TBC1D25: variants seen among roughly 807,000 people sequenced by gnomAD.
The protein encoded by TBC1D25 is TBC1 domain family member 25, also known as 5SN3 snoRNA.
A neutral mutation model predicts 38.8 loss-of-function variants in TBC1D25; 13 were observed. The observed-to-expected ratio is 0.34, with a 90% confidence interval of 0.22 to 0.53. TBC1D25 has a LOEUF of 0.53. Among genes scored for constraint, TBC1D25 ranks in the 20% least tolerant of loss-of-function variants. TBC1D25 has a pLI of 0.94. For synonymous variants in TBC1D25, 225 were observed against 255.6 expected, an observed-to-expected ratio of 0.88 and a Z score of 1.14; for missense variants, 372 against 600.0, an observed-to-expected ratio of 0.62 and a Z score of 3.97.
chrX:48,552,527 A>G (rs983224418), intron 3 of TBC1D25, among the ~76,000 whole-genome samples: 1 of 109,347 alleles, frequency 9.1e-6, no homozygotes, highest in African/African-American at 3.3e-5. Flanking sequence ...AATTTTTTGT[A>G]TTTTTAGTAG....
At position 48,559,739 on chromosome X, in the gene TBC1D25, C is replaced by T. The variant is rs375134193; in HGVS notation, c.831C>T (p.Asn277=). Reference sequence around the variant, plus strand: ...AGAGCGAGTGGGCCCAGCGAGCGAACCCTGAGGACCTGGAATTCATCCGCA... The same window carrying T: ...AGAGCGAGTGGGCCCAGCGAGCGAATCCTGAGGACCTGGAATTCATCCGCA... ...QLKSEWAQRA[N]PEDLEFIRST... is the part of the protein sequence containing the mutation. Residue 277 remains asparagine, a synonymous_variant, in exon 6 of 6, where the codon AAC becomes AAT. Transcript: ENST00000376771. The T allele has an allele frequency of 3.3e-6, 4 of 1,211,903 alleles. No homozygotes were observed. Among genetic ancestry groups the T allele is most frequent in the Middle Eastern group, 2.3e-4 (1 of 4,353 alleles).
intron 3 of TBC1D25, 101 bp downstream of exon 3, chrX:48,545,124 C>T: frequency 9.7e-7 from 1 of 1,031,704 alleles, no homozygotes; most frequent in Non-Finnish European, 1.3e-6. Flanking sequence ...GGATGGGTAG[C>T]AAGGTATCCT....
chrX:48,539,731 T>G lies in TBC1D25; in HGVS notation c.-67T>G. ...CACGAGGTGGGGCGGCGGGCGTCAG[T>G]ACAGTAGAGTGTGCGCCGGGGTGGG... On this transcript the variant is annotated 5_prime_UTR_variant, in exon 1 of 6. Transcript: ENST00000376771. 1 of 935,427 alleles carries G rather than the reference T, an allele frequency of 1.1e-6. No individual in the cohort carries two copies. Among genetic ancestry groups the G allele is most frequent in the Non-Finnish European group, 1.3e-6 (1 of 753,403 alleles). The allele number at this position is 935,427 out of a possible 1,213,427, so 77.1% of individuals were successfully genotyped here. A position where few individuals can be genotyped will look rare whatever the true frequency, so the allele number is the denominator to read the frequency against.
intron 3 of TBC1D25, among the ~76,000 whole-genome samples, chrX:48,547,795 G>A (rs1386583569): frequency 2.7e-5 from 3 of 110,068 alleles, no homozygotes; most frequent in African/African-American, 6.6e-5. Flanking sequence ...GAAATTAGCC[G>A]GGCGTGGTGG....
At chrX:48,546,616 T>C (rs2147175723) in intron 3 of TBC1D25, among the ~76,000 whole-genome samples, 1 of 112,268 alleles carries the variant, frequency 8.9e-6, no homozygotes, top group African/African-American at 3.2e-5. Flanking sequence ...CCTCTTAATA[T>C]GATCACATTG....
chrX:48,556,379 G>A (rs2061975024), intron 3 of TBC1D25, among the ~76,000 whole-genome samples: 1 of 111,801 alleles, frequency 8.9e-6, no homozygotes, highest in African/African-American at 3.2e-5. Context: ...GTGAGCACAT[G>A]GTTGGGGCTA....
At chrX:48,559,098 G>A in intron 4 of TBC1D25, 60 bp from the exon 5 acceptor site, 1 of 1,203,305 alleles carries the variant, frequency 8.3e-7, no homozygotes, top group South Asian at 1.8e-5. Flanking sequence ...TTCTGAGCAT[G>A]CTGGTTGGCA....
intron 3 of TBC1D25, among the ~76,000 whole-genome samples, chrX:48,547,708 G>T (rs1055141337): frequency 9.0e-6 from 1 of 111,588 alleles, no homozygotes; most frequent in South Asian, 3.7e-4. Flanking sequence ...AGGCCGAGGC[G>T]GGTGGATCAC....
rs371429477 is a variant in TBC1D25 at position 48,543,372 on chromosome X, T to G, written c.234-1497T>G. ...CTGCCTCGGCCTCCTGAGTAGCTGG[T>G]ACTACAGGCGTGCGCCACCATGCCC... On this transcript the variant is annotated intron_variant, in intron 2 of 5. Coordinates refer to ENST00000376771, the MANE Select transcript of TBC1D25 (RefSeq NM_002536.4). Among the ~76,000 whole-genome samples the G allele has an allele frequency of 4.9e-3, 535 of 108,233 alleles. 3 individuals carry two copies. Among genetic ancestry groups the G allele is most frequent in the African/African-American group, 0.017 (509 of 29,814 alleles). 94.0% of individuals were successfully genotyped at this position (108,233 alleles called of 115,157 possible). A position where few individuals can be genotyped will look rare whatever the true frequency, so the allele number is the denominator to read the frequency against.
intron 5 of TBC1D25, 88 bp downstream of exon 5, chrX:48,559,434 G>A: frequency 2.7e-6 from 3 of 1,113,413 alleles, no homozygotes; most frequent in East Asian, 6.4e-5. Flanking sequence ...CACTGCTGTG[G>A]GCAAGGGTGG....
chrX:48,561,049 C>T lies in TBC1D25; in HGVS notation c.*74C>T. On this transcript the variant is annotated 3_prime_UTR_variant, in exon 6 of 6. Transcript: ENST00000376771. ...GCCATGAGGGCCAACACATGAGACC[C>T]CACCTCCCTCCCTGCCTGCCAGCCC... is the stretch of plus-strand genomic sequence containing the variant. The T allele has an allele frequency of 9.5e-7, 1 of 1,055,161 alleles. No individual in the cohort carries two copies. The highest frequency in any genetic ancestry group is 1.2e-6 in the Non-Finnish European group (1 of 802,647). The allele number at this position is 1,055,161 out of a possible 1,213,427, so 87.0% of individuals were successfully genotyped here. A position where few individuals can be genotyped will look rare whatever the true frequency, so the allele number is the denominator to read the frequency against.
chrX:48,560,867 A>G lies in TBC1D25; in HGVS notation c.1959A>G (p.Lys653=). Residue 653 remains lysine (K), a synonymous_variant, in exon 6 of 6, where the codon AAA becomes AAG. Coordinates refer to ENST00000376771, the MANE Select transcript of TBC1D25 (RefSeq NM_002536.4). ...LAMHFDRLVR[K]HHLGRVLRRA... ...TGCACTTTGACCGCCTTGTGCGAAAACACCACCTGGGGCGCGTCCTGCGCC... is the reference window on the plus strand; with the variant it reads ...TGCACTTTGACCGCCTTGTGCGAAAGCACCACCTGGGGCGCGTCCTGCGCC... The G allele has an allele frequency of 1.6e-6, 2 of 1,212,127 alleles. No individual in the cohort carries two copies. The highest frequency in any genetic ancestry group is 2.2e-6 in the Non-Finnish European group (2 of 895,606).
chrX:48,545,936 ACG>A (rs1484879771), intron 3 of TBC1D25, among the ~76,000 whole-genome samples: 1 of 111,489 alleles, frequency 9.0e-6, no homozygotes, highest in African/African-American at 3.3e-5. Context: ...TCCGCTGGGC[ACG>A]GTGGCTCATG....
At chrX:48,547,361 G>A (rs1373498653) in intron 3 of TBC1D25, among the ~76,000 whole-genome samples, 1 of 112,013 alleles carries the variant, frequency 8.9e-6, no homozygotes, top group Non-Finnish European at 1.9e-5. Context: ...TGACAGAGAT[G>A]GGCAGGAAGC....
rs1001597535 is a variant in TBC1D25, at chrX:48,546,370, G to A, written c.388+1347G>A. Among the ~76,000 whole-genome samples, 24 of 108,510 alleles carry A rather than the reference G, an allele frequency of 2.2e-4. No homozygotes were observed. In the Admixed American group the frequency reaches 2.4e-3, roughly 11 times the overall value. 94.2% of individuals were successfully genotyped at this position (108,510 alleles called of 115,157 possible). On this transcript the variant is annotated intron_variant, in intron 3 of 5. Transcript: ENST00000376771. ...TTACTAAAAATACAAAAAAATAGCC[G>A]GGCGTGGTGGCGGGTGCCTGTAGTC...
chrX:48,549,968 G>A (rs782411710), intron 3 of TBC1D25, among the ~76,000 whole-genome samples: 2 of 108,459 alleles, frequency 1.8e-5, no homozygotes, highest in East Asian at 5.9e-4. Context: ...AGTCAATTAT[G>A]CCAGCATCAT....
chrX:48,557,082 C>G (rs782303969), intron 3 of TBC1D25, among the ~76,000 whole-genome samples: 1 of 107,318 alleles, frequency 9.3e-6, no homozygotes, highest in East Asian at 3.0e-4. Context: ...AAAAAATCAT[C>G]CACGCATGGT....
Position 48,561,203 on chromosome X carries a change from T to C in TBC1D25, c.*228T>C. On this transcript the variant is annotated 3_prime_UTR_variant, in exon 6 of 6. Coordinates refer to ENST00000376771, the MANE Select transcript of TBC1D25 (RefSeq NM_002536.4). ...TGTTTTGTTTTTAACAACTATACTT[T>C]GCACACATGAAGGTCACTGTGGTTT... The C allele has an allele frequency of 2.6e-6, 1 of 380,206 alleles. No individual in the cohort carries two copies. The highest frequency in any genetic ancestry group is 4.4e-6 in the Non-Finnish European group (1 of 225,199). 31.3% of individuals were successfully genotyped at this position (380,206 alleles called of 1,213,427 possible).
chrX:48,560,207 G>A lies in TBC1D25; in HGVS notation c.1299G>A (p.Ser433=), dbSNP rs142578464. 36 of 1,208,732 alleles carry A rather than the reference G, an allele frequency of 3.0e-5. 1 individual carries two copies. The South Asian group carries it at 4.4e-4, about 15-fold the overall frequency. Residue 433 remains serine (S), a synonymous_variant, in exon 6 of 6, where the codon TCG becomes TCA. Transcript: ENST00000376771. ...ALRMLEVTWS[S]LPPDPPEHEV... Reference sequence around the variant, plus strand: ...GCATGCTTGAGGTCACTTGGAGTTCGCTGCCCCCTGATCCTCCTGAACATG... The same window carrying A: ...GCATGCTTGAGGTCACTTGGAGTTCACTGCCCCCTGATCCTCCTGAACATG...
Sources: allele counts gnomAD v4.1 joint callset (sites outside exome capture counted in the v4.1 genomes callset), GRCh38; gene constraint gnomAD v4.1.1; transcripts MANE v1.5; gene names NCBI Gene and HGNC (gene_info 2026-07-23, HGNC 2026-07-21).